The following CNTN5 variants were observed in gnomAD, a reference collection of about 807,000 sequenced individuals.
CNTN5 encodes contactin-5.
In CNTN5, 77 loss-of-function variants were observed where a neutral mutation model predicts 129.1. The observed-to-expected ratio is 0.60, with a 90% CI of 0.50 to 0.72. CNTN5 has a LOEUF of 0.72. Among genes scored for constraint, CNTN5 ranks in the 30% least tolerant of loss-of-function variants. The pLI is 0.00. For synonymous variants in CNTN5, 509 were observed against 465.6 expected, an observed-to-expected ratio of 1.09 and a Z score of -1.20; for missense variants, 1,478 against 1,328.8, an observed-to-expected ratio of 1.11 and a Z score of -1.75.
At chr11:100,316,705 G>C (rs1399922562) in intron 21 of CNTN5, among the ~76,000 whole-genome samples, 1 of 152,160 alleles carries the variant, frequency 6.6e-6, no homozygotes, top group Non-Finnish European at 1.5e-5. Context: ...TATTCTGCCT[G>C]TGGAACAAAG....
At chr11:99,566,186 C>G (rs1949000678) in intron 3 of CNTN5, among the ~76,000 whole-genome samples, 1 of 152,056 alleles carries the variant, frequency 6.6e-6, no homozygotes, top group South Asian at 2.1e-4. Flanking sequence ...AGTTCTCACT[C>G]CGAATAACGT....
At chr11:99,464,634 T>C (rs1457517629) in intron 2 of CNTN5, among the ~76,000 whole-genome samples, 1 of 152,170 alleles carries the variant, frequency 6.6e-6, no homozygotes, top group Non-Finnish European at 1.5e-5. Flanking sequence ...TTTTGGAATC[T>C]TGACCAAAGT....
chr11:100,257,778 T>A (rs1179163656), intron 17 of CNTN5, among the ~76,000 whole-genome samples: 1 of 151,696 alleles, frequency 6.6e-6, no homozygotes, highest in Non-Finnish European at 1.5e-5. Context: ...AGAAACCCCA[T>A]CCAAAGGTCA....
chr11:99,267,985 G>C (rs1416892736), intron 1 of CNTN5, among the ~76,000 whole-genome samples: 4 of 149,424 alleles, frequency 2.7e-5, no homozygotes, highest in Non-Finnish European at 5.9e-5. Flanking sequence ...GTCTTGTTTG[G>C]GTGCAAGTTG....
intron 1 of CNTN5, among the ~76,000 whole-genome samples, chr11:99,296,133 G>C (rs932838500): frequency 6.6e-6 from 1 of 152,118 alleles, no homozygotes; most frequent in African/African-American, 2.4e-5. Context: ...TAAGAGTCTC[G>C]TGAGAGTAGA....
At chr11:100,185,221 G>A (rs147781328) in intron 13 of CNTN5, among the ~76,000 whole-genome samples, 2 of 152,184 alleles carry the variant, frequency 1.3e-5, no homozygotes, top group African/African-American at 4.8e-5. Flanking sequence ...AACTTTTGGG[G>A]GGTTTTGTTG....
At chr11:99,157,599 T>C (rs1014417101) in intron 1 of CNTN5, among the ~76,000 whole-genome samples, 1 of 152,096 alleles carries the variant, frequency 6.6e-6, no homozygotes, top group Admixed American at 6.6e-5. Flanking sequence ...AAAATATACC[T>C]ATACTGGAAA....
chr11:99,798,106 C>T lies in CNTN5; in HGVS notation c.56-21438C>T, dbSNP rs185195843. On this transcript the variant is annotated intron_variant, in intron 3 of 24. Coordinates refer to ENST00000524871, the MANE Select transcript of CNTN5 (RefSeq NM_014361.4). The stretch of plus-strand genomic sequence containing the variant: ...GTTATTTTTCCTGATCCTTTCCCTC[C>T]TCCTACCCTACCCCGTCTGATAGGC... 4.6e-5 allele frequency among the ~76,000 whole-genome samples: 7 copies of T among 152,168 alleles called. No individual in the cohort carries two copies. In the East Asian group the frequency reaches 1.2e-3, roughly 25 times the overall value.
At chr11:99,415,001 C>T (rs1187716010) in intron 2 of CNTN5, among the ~76,000 whole-genome samples, 1 of 152,090 alleles carries the variant, frequency 6.6e-6, no homozygotes, top group African/African-American at 2.4e-5. Context: ...ACAGGCAACT[C>T]AATATTGTAA....
intron 9 of CNTN5, among the ~76,000 whole-genome samples, chr11:100,005,379 T>C (rs1477933947): frequency 6.6e-6 from 1 of 152,138 alleles, no homozygotes; most frequent in African/African-American, 2.4e-5. Flanking sequence ...TTCCTACCTA[T>C]TCTTGCCTCA....
chr11:99,570,951 C>T (rs1431156590), intron 3 of CNTN5, among the ~76,000 whole-genome samples: 1 of 152,036 alleles, frequency 6.6e-6, no homozygotes, highest in African/African-American at 2.4e-5. Context: ...AATGTCAAAA[C>T]CCTCAAAAGG....
chr11:99,104,343 G>A (rs533690625), intron 1 of CNTN5, among the ~76,000 whole-genome samples: 9 of 151,992 alleles, frequency 5.9e-5, no homozygotes, highest in East Asian at 3.9e-4. Context: ...CAGTATTCCC[G>A]TCATCTACCA....
intron 20 of CNTN5, among the ~76,000 whole-genome samples, chr11:100,301,006 A>G (rs1323618940): frequency 1.3e-5 from 2 of 151,620 alleles, no homozygotes; most frequent in Non-Finnish European, 3.0e-5. Context: ...ATAGTAAGTG[A>G]CAGAGCTAGG....
At chr11:99,049,785 C>T (rs932785812) in intron 1 of CNTN5, 2 of 152,082 alleles carry the variant, frequency 1.3e-5, no homozygotes, top group Non-Finnish European at 2.9e-5. Flanking sequence ...ATTTGGGCTC[C>T]TGTATATCCC....
intron 13 of CNTN5, among the ~76,000 whole-genome samples, chr11:100,169,758 CT>C (rs34219228): frequency 6.6e-6 from 1 of 151,980 alleles, no homozygotes; most frequent in Non-Finnish European, 1.5e-5. Context: ...TGTGCTAGAA[CT>C]TTTCTTCCAT....
intron 9 of CNTN5, among the ~76,000 whole-genome samples, chr11:100,031,322 C>A (rs191764539): frequency 6.6e-6 from 1 of 152,130 alleles, no homozygotes. Flanking sequence ...GAGCCAACAG[C>A]GCATGATGTG....
At chr11:99,758,052 G>A (rs1248295450) in intron 3 of CNTN5, among the ~76,000 whole-genome samples, 1 of 152,028 alleles carries the variant, frequency 6.6e-6, no homozygotes, top group East Asian at 1.9e-4. Flanking sequence ...GGACAATTTA[G>A]TGAAAGTGTT....
chr11:99,149,645 T>A (rs1859950763), intron 1 of CNTN5, among the ~76,000 whole-genome samples: 1 of 152,172 alleles, frequency 6.6e-6, no homozygotes, highest in African/African-American at 2.4e-5. Context: ...CTTCTTGATC[T>A]CCTTAAATTT....
intron 2 of CNTN5, among the ~76,000 whole-genome samples, chr11:99,547,485 T>G (rs185435284): frequency 6.6e-6 from 1 of 152,280 alleles, no homozygotes; most frequent in East Asian, 1.9e-4. Flanking sequence ...GTAAAAGAGT[T>G]TTTAATAAAT....
Sources: gnomAD v4.1 joint callset for allele counts (sites outside exome capture counted in the v4.1 genomes callset) on GRCh38, gnomAD v4.1.1 for gene constraint, MANE v1.5 for transcripts, NCBI Gene and HGNC (gene_info 2026-07-23, HGNC 2026-07-21) for gene names.